The following SLIT2 variants were observed in gnomAD, a reference collection of about 807,000 sequenced individuals.
The protein encoded by SLIT2 is slit guidance ligand 2.
In SLIT2, 41 loss-of-function variants were observed where a neutral mutation model predicts 185.7. The observed-to-expected ratio is 0.22, with a 90% CI of 0.17 to 0.29. SLIT2 has a LOEUF of 0.29. Among genes scored for constraint, SLIT2 ranks in the 10% least tolerant of loss-of-function variants. The probability of loss-of-function intolerance (pLI) is 1.00; values close to 1 mark genes in which losing one functional copy is unlikely to be tolerated. For missense variants in SLIT2, 1,571 were observed against 1,909.0 expected (o/e 0.82, Z 3.30); for synonymous variants, 693 against 680.2 (o/e 1.02, Z -0.29).
rs557082193 is a variant in SLIT2, at chr4:20,389,912, C to T, written c.396-77840C>T. 1.2e-4 allele frequency among the ~76,000 whole-genome samples: 19 copies of T among 152,016 alleles called. 1 individual carries two copies. On this transcript the variant is annotated intron_variant, in intron 4 of 36. Transcript: ENST00000504154. ...TCTCTTAGTTCTTATCTGCTTGTGA[C>T]CTTGGTTTTCCAATCATCCGATAAA...
chr4:20,597,479 T>A (rs747991376), intron 32 of SLIT2, among the ~76,000 whole-genome samples: 53 of 152,318 alleles, frequency 3.5e-4, no homozygotes, highest in Non-Finnish European at 6.0e-4. Context: ...AGCAAGTCAT[T>A]CAGATCCCTA....
chr4:20,434,455 C>T (rs1038116155), intron 4 of SLIT2, among the ~76,000 whole-genome samples: 1 of 151,898 alleles, frequency 6.6e-6, no homozygotes, highest in African/African-American at 2.4e-5. Context: ...CACTGCACCT[C>T]CAGCTTGGGC....
intron 4 of SLIT2, among the ~76,000 whole-genome samples, chr4:20,376,164 T>C (rs1001500648): frequency 1.3e-5 from 2 of 149,054 alleles, no homozygotes; most frequent in African/African-American, 4.9e-5. Context: ...AGTGTCTGGC[T>C]TCTTACAAGA....
chr4:20,487,011 T>C (rs1239096367), intron 7 of SLIT2, among the ~76,000 whole-genome samples: 1 of 152,006 alleles, frequency 6.6e-6, no homozygotes, highest in African/African-American at 2.4e-5. Flanking sequence ...AAAAAAAGTG[T>C]TTTTAAGTTG....
rs574864807 is a variant in SLIT2, at chr4:20,273,548, G to T, written c.395+4667G>T. 2.6e-5 allele frequency among the ~76,000 whole-genome samples: 4 copies of T among 152,050 alleles called. No individual in the cohort carries two copies. The East Asian group carries it at 7.8e-4, about 29-fold the overall frequency. Reference sequence around the variant, plus strand: ...ACTCTGGGACGGCATTATAAATAATGGAGAACCAAATTAAATTTAAAGGAT... The same window carrying T: ...ACTCTGGGACGGCATTATAAATAATTGAGAACCAAATTAAATTTAAAGGAT... On this transcript the variant is annotated intron_variant, in intron 4 of 36. Coordinates refer to ENST00000504154, the MANE Select transcript of SLIT2 (RefSeq NM_004787.4).
chr4:20,617,748 A>C (rs1729793747), intron 36 of SLIT2, 98 bp downstream of exon 36: 3 of 774,014 alleles, frequency 3.9e-6, no homozygotes, highest in Non-Finnish European at 6.2e-6. Flanking sequence ...AAAAAAAAAA[A>C]ACAGGAGCAA....
rs952460087 is a variant in SLIT2, at chr4:20,555,912, G to A, written c.2725+1944G>A. 2.0e-5 allele frequency among the ~76,000 whole-genome samples: 3 copies of A among 151,600 alleles called. 1 individual carries two copies. The highest frequency in any genetic ancestry group is 7.3e-5 in the African/African-American group (3 of 41,080). ...TATTTTCAATACCCCAGAAAATTGT[G>A]TCATTTTTTTGCTCCAAAAACTATG... On this transcript the variant is annotated intron_variant, in intron 26 of 36. Coordinates refer to ENST00000504154, the MANE Select transcript of SLIT2 (RefSeq NM_004787.4).
rs551685665 is a variant in SLIT2 at position 20,530,399 on chromosome 4, C to G, written c.1613+1300C>G. ...ATCCTCCCACCTCAGTCCCCCACCC[C>G]CATCTCCCCAAGAAGCTGGGACCTC... On this transcript the variant is annotated intron_variant, in intron 16 of 36. Transcript: ENST00000504154. 5.9e-5 allele frequency among the ~76,000 whole-genome samples: 9 copies of G among 152,084 alleles called. No individual in the cohort carries two copies. The East Asian group carries it at 1.6e-3, about 26-fold the overall frequency.
intron 29 of SLIT2, among the ~76,000 whole-genome samples, chr4:20,574,806 A>C (rs981859968): frequency 2.0e-5 from 3 of 151,418 alleles, no homozygotes; most frequent in African/African-American, 2.4e-5. Flanking sequence ...AAAAAAAAAA[A>C]ACAAAGGTTA....
intron 4 of SLIT2, among the ~76,000 whole-genome samples, chr4:20,351,819 AGTTT>A (rs1721905640): frequency 1.3e-5 from 2 of 152,180 alleles, no homozygotes; most frequent in African/African-American, 4.8e-5. Context: ...TAAGCAACTC[AGTTT>A]GTTTATGATT....
intron 4 of SLIT2, among the ~76,000 whole-genome samples, chr4:20,354,857 G>GA (rs1452788983): frequency 6.8e-6 from 1 of 146,626 alleles, no homozygotes; most frequent in African/African-American, 2.5e-5. Flanking sequence ...AAAAACTTTT[G>GA]AAAAAAATGG....
intron 4 of SLIT2, among the ~76,000 whole-genome samples, chr4:20,330,326 C>T (rs1447242282): frequency 6.6e-6 from 1 of 152,058 alleles, no homozygotes; most frequent in Admixed American, 6.6e-5. Context: ...GATCTCCAAA[C>T]ACCACTGAAA....
chr4:20,562,186 T>C (rs1204946912), intron 26 of SLIT2, among the ~76,000 whole-genome samples: 1 of 151,896 alleles, frequency 6.6e-6, no homozygotes, highest in East Asian at 1.9e-4. Flanking sequence ...CAGTATCTTC[T>C]ATCTTGCCAA....
chr4:20,271,446 T>C (rs895531232), intron 4 of SLIT2, among the ~76,000 whole-genome samples: 4 of 146,300 alleles, frequency 2.7e-5, no homozygotes, highest in African/African-American at 9.9e-5. Flanking sequence ...ATATAATATA[T>C]AATTAATTTA....
intron 9 of SLIT2, among the ~76,000 whole-genome samples, chr4:20,492,984 A>C (rs1222392188): frequency 1.3e-5 from 2 of 152,206 alleles, no homozygotes; most frequent in Non-Finnish European, 2.9e-5. Context: ...TTTGACACTG[A>C]ATAACATATA....
At chr4:20,527,501 G>T (rs926211452) in intron 15 of SLIT2, among the ~76,000 whole-genome samples, 2 of 152,080 alleles carry the variant, frequency 1.3e-5, no homozygotes, top group African/African-American at 4.8e-5. Flanking sequence ...CAGGTGAAAT[G>T]GTCTTGACTT....
At chr4:20,598,093 C>G (rs1728122118) in intron 32 of SLIT2, among the ~76,000 whole-genome samples, 172 bp from the exon 33 acceptor site, 1 of 152,110 alleles carries the variant, frequency 6.6e-6, no homozygotes, top group Admixed American at 6.5e-5. Flanking sequence ...TGCAACAAAG[C>G]AATTTAAGAA....
rs61276848 is a variant in SLIT2 at position 20,511,603 on chromosome 4, T to TTTTTTTTTTTTTTTTA, written c.1058+466_1058+467insTTTTTTTTTTTTTTTA. On this transcript the variant is annotated intron_variant, in intron 11 of 36. Coordinates refer to ENST00000504154, the MANE Select transcript of SLIT2 (RefSeq NM_004787.4). ...ATCCAGCTAATTTTTTTTTTTTTTTTATTTTTGGTAGAGATGGAATTTCAC... is the reference window on the plus strand; with the variant it reads ...ATCCAGCTAATTTTTTTTTTTTTTTTTTTTTTTTTTTTTTTAATTTTTGGTAGAGATGGAATTTCAC... Among the ~76,000 whole-genome samples the TTTTTTTTTTTTTTTTA allele has an allele frequency of 3.8e-3, 542 of 144,076 alleles. 10 individuals are homozygous for TTTTTTTTTTTTTTTTA. The highest frequency in any genetic ancestry group is 0.013 in the African/African-American group (516 of 38,334). The allele number at this position is 144,076 out of a possible 152,430, so 94.5% of individuals were successfully genotyped here.
chr4:20,298,088 T>C (rs910132331), intron 4 of SLIT2, among the ~76,000 whole-genome samples: 1 of 151,908 alleles, frequency 6.6e-6, no homozygotes, highest in Admixed American at 6.6e-5. Context: ...GTTAGTTTTT[T>C]TTTTTTTTTT....
Sources: allele counts gnomAD v4.1 joint callset (sites outside exome capture counted in the v4.1 genomes callset), GRCh38; gene constraint gnomAD v4.1.1; transcripts MANE v1.5; gene names NCBI Gene and HGNC (gene_info 2026-07-23, HGNC 2026-07-21).